Variants in AMMECR1 observed in about 807,000 individuals in gnomAD.
AMMECR1 encodes the protein AMMECR nuclear protein 1, also known as nuclear protein AMMECR1.
A neutral mutation model predicts 22.5 loss-of-function variants in AMMECR1; 3 were observed. The ratio of observed to expected loss-of-function variants is 0.13; its 90% CI spans 0.06 to 0.35. AMMECR1 has a LOEUF of 0.35. Among genes scored for constraint, AMMECR1 ranks in the 10% least tolerant of loss-of-function variants. AMMECR1 has a pLI of 1.00. For synonymous variants in AMMECR1, 130 were observed against 116.7 expected (o/e 1.11, Z -0.74); for missense variants, 235 against 278.7 (o/e 0.84, Z 1.12).
At position 110,273,697 on chromosome X, in the gene AMMECR1, G is replaced by A. The variant is rs1364001331; in HGVS notation, c.474-9098C>T. ...GTCCAGTTTCATTCTTCTGCACATA[G>A]CTAGCCAATTTTCCTAGCACCATTT... On this transcript the variant is annotated intron_variant, in intron 1 of 5. Coordinates refer to ENST00000262844, the MANE Select transcript of AMMECR1 (RefSeq NM_015365.3). Among the ~76,000 whole-genome samples, 4 of 111,574 alleles carry A rather than the reference G, an allele frequency of 3.6e-5. No individual in the cohort carries two copies. In the East Asian group the frequency reaches 8.4e-4, roughly 24 times the overall value.
chrX:110,221,697 A>G (rs1175252731), intron 2 of AMMECR1, among the ~76,000 whole-genome samples: 1 of 111,253 alleles, frequency 9.0e-6, no homozygotes, highest in Admixed American at 9.6e-5. Flanking sequence ...ATTCATGGGG[A>G]ATAGAGGAAA....
intron 1 of AMMECR1, among the ~76,000 whole-genome samples, chrX:110,433,392 C>T (rs911986449): frequency 5.4e-5 from 6 of 111,682 alleles, no homozygotes; most frequent in Non-Finnish European, 9.4e-5. Flanking sequence ...GACAATGACA[C>T]AGGAACCCCT....
chrX:110,377,520 T>A (rs2068385364), intron 2 of AMMECR1, among the ~76,000 whole-genome samples: 1 of 112,034 alleles, frequency 8.9e-6, no homozygotes, highest in African/African-American at 3.2e-5. Context: ...TTAATTAACT[T>A]GTAAAAGGCT....
At chrX:110,384,350 T>C (rs1442027177) in intron 2 of AMMECR1, among the ~76,000 whole-genome samples, 1 of 111,064 alleles carries the variant, frequency 9.0e-6, no homozygotes, top group Non-Finnish European at 1.9e-5. Flanking sequence ...TGTTGTATGA[T>C]CTCAATCTTC....
rs969482290 is a variant in AMMECR1 at position 110,196,409 on chromosome X, T to G, written c.*2111A>C. The stretch of plus-strand genomic sequence containing the variant: ...TTTGTTTTTTGTTTTGTTTTTTTTT[T>G]GTTTGTTTTTTTTTGCAGCAGACAA... On this transcript the variant is annotated 3_prime_UTR_variant, in exon 6 of 6. Coordinates refer to ENST00000262844, the MANE Select transcript of AMMECR1 (RefSeq NM_015365.3). The G allele has an allele frequency of 2.1e-4, 23 of 109,320 alleles. No individual in the cohort carries two copies. Among genetic ancestry groups the G allele is most frequent in the African/African-American group, 6.8e-4 (20 of 29,487 alleles). The allele number at this position is 109,320 out of a possible 1,213,427, so 9.0% of individuals were successfully genotyped here. A position where few individuals can be genotyped will look rare whatever the true frequency, so the allele number is the denominator to read the frequency against.
intron 1 of AMMECR1, among the ~76,000 whole-genome samples, chrX:110,435,664 G>A (rs1340705071): frequency 9.0e-6 from 1 of 111,563 alleles, no homozygotes; most frequent in Non-Finnish European, 1.9e-5. Flanking sequence ...ATCTAGAATG[G>A]CCTTGGTCTC....
upstream of AMMECR1, among the ~76,000 whole-genome samples, chrX:110,321,003 G>A (rs1367714115): frequency 8.9e-6 from 1 of 111,804 alleles, no homozygotes; most frequent in Non-Finnish European, 1.9e-5. Context: ...TGGTGATGGT[G>A]GTAATGTCTC....
At position 110,341,084 on chromosome X, in the gene AMMECR1, T is replaced by C. The variant is rs1602911043; in HGVS notation, c.-147-23235A>G. On this transcript the variant is annotated intron_variant, in intron 2 of 7. Coordinates refer to the AMMECR1 transcript ENST00000372057. ...ACTATAGTAACATGTTTTAGTTTTT[T>C]ATGTTTTGTTTCACTTTGTTTTAAG... 2.7e-5 allele frequency among the ~76,000 whole-genome samples: 3 copies of C among 112,686 alleles called. No homozygotes were observed. The South Asian group carries it at 1.1e-3, about 41-fold the overall frequency.
In AMMECR1 at chrX:110,344,712, G is replaced by A. The variant is rs1602914204; in HGVS notation, c.-147-26863C>T. The stretch of plus-strand genomic sequence containing the variant: ...TATGAACAGACACTTCTCAAAAGAA[G>A]ACATTTATGCAGCCAACAGACACAT... On this transcript the variant is annotated intron_variant, in intron 2 of 7. Coordinates refer to the AMMECR1 transcript ENST00000372057. Among the ~76,000 whole-genome samples, 3 of 111,568 alleles carry A rather than the reference G, an allele frequency of 2.7e-5. No individual in the cohort carries two copies. In the Admixed American group the frequency reaches 2.8e-4, roughly 11 times the overall value.
chrX:110,225,140 A>G, intron 2 of AMMECR1: 1 of 327,003 alleles, frequency 3.1e-6, no homozygotes, highest in Non-Finnish European at 5.9e-6. Flanking sequence ...TTTATAAAGT[A>G]TATACTTGTA....
intron 2 of AMMECR1, among the ~76,000 whole-genome samples, chrX:110,401,932 C>A (rs1602970914): frequency 8.9e-6 from 1 of 112,221 alleles, no homozygotes; most frequent in East Asian, 2.8e-4. Flanking sequence ...GCCTCACCCC[C>A]ATAACCATCC....
chrX:110,384,086 C>T (rs1255284896), intron 2 of AMMECR1, among the ~76,000 whole-genome samples: 1 of 111,635 alleles, frequency 9.0e-6, no homozygotes, highest in East Asian at 2.8e-4. Context: ...TATATATAAC[C>T]TACTTGTATA....
upstream of AMMECR1, among the ~76,000 whole-genome samples, chrX:110,318,736 GCTGT>G (rs1212800954): frequency 9.0e-6 from 1 of 111,577 alleles, no homozygotes; most frequent in African/African-American, 3.3e-5. Flanking sequence ...TGGCCACGCT[GCTGT>G]CTTTTTAATT....
At chrX:110,251,476 T>C (rs747644952) in intron 2 of AMMECR1, among the ~76,000 whole-genome samples, 1 of 112,279 alleles carries the variant, frequency 8.9e-6, no homozygotes, top group Admixed American at 9.4e-5. Context: ...AGTGTGAGGT[T>C]AGGTCCTCAA....
At chrX:110,342,899 A>T (rs2068170817) in intron 2 of AMMECR1, among the ~76,000 whole-genome samples, 1 of 111,459 alleles carries the variant, frequency 9.0e-6, no homozygotes, top group Non-Finnish European at 1.9e-5. Context: ...TCACAGCTGA[A>T]TTCTACCAGG....
chrX:110,341,737 T>C (rs111721376), intron 2 of AMMECR1, among the ~76,000 whole-genome samples: 8,163 of 111,995 alleles, frequency 0.073, 741 homozygotes, highest in African/African-American at 0.25. Context: ...GAAATTCGGA[T>C]ATGCCAAAGA....
intron 2 of AMMECR1, among the ~76,000 whole-genome samples, chrX:110,255,235 C>T (rs1366803238): frequency 8.9e-6 from 1 of 111,995 alleles, no homozygotes; most frequent in African/African-American, 3.2e-5. Flanking sequence ...GGGTTTGGTA[C>T]TGATTCGCCC....
At position 110,394,415 on chromosome X, in the gene AMMECR1, C is replaced by T. The variant is rs1330733411; in HGVS notation, c.-148+32243G>A. Among the ~76,000 whole-genome samples the T allele has an allele frequency of 5.2e-4, 58 of 111,451 alleles. 4 individuals are homozygous for T. The highest frequency in any genetic ancestry group is 3.8e-5 in the Non-Finnish European group (2 of 53,062). On this transcript the variant is annotated intron_variant, in intron 2 of 7. Coordinates refer to the AMMECR1 transcript ENST00000372057. The stretch of plus-strand genomic sequence containing the variant: ...TACAGACGTGTGCCACCATGCCTGG[C>T]TAAATTTTTGTATTTTTAGTAGAGA...
chrX:110,251,462 C>A (rs1317488136), intron 2 of AMMECR1, among the ~76,000 whole-genome samples: 2 of 112,052 alleles, frequency 1.8e-5, no homozygotes, highest in African/African-American at 6.5e-5. Flanking sequence ...GTGTGCATGG[C>A]TGGAGTGTGA....
Sources: gnomAD v4.1 joint callset for allele counts (sites outside exome capture counted in the v4.1 genomes callset) on GRCh38, gnomAD v4.1.1 for gene constraint, MANE v1.5 for transcripts, NCBI Gene and HGNC (gene_info 2026-07-23, HGNC 2026-07-21) for gene names.